The following MYT1L variants were observed in gnomAD, a reference collection of about 807,000 sequenced individuals.
MYT1L encodes myelin transcription factor 1 like, also known as myelin transcription factor 1-like protein.
A neutral mutation model predicts 126.7 loss-of-function variants in MYT1L; 12 were observed. That is an observed-to-expected ratio of 0.09 (90% CI 0.06 to 0.15). The LOEUF is 0.15. Among genes scored for constraint, MYT1L ranks in the 10% least tolerant of loss-of-function variants. MYT1L has a pLI of 1.00. For synonymous variants in MYT1L, 541 were observed against 604.2 expected (o/e 0.90, Z 1.53); for missense variants, 979 against 1,585.2 (o/e 0.62, Z 6.49).
chr2:1,854,640 G>GA (rs1405975991), intron 18 of MYT1L, among the ~76,000 whole-genome samples: 1 of 152,082 alleles, frequency 6.6e-6, no homozygotes, highest in African/African-American at 2.4e-5. Context: ...TACTGAGGAA[G>GA]AAAAAAATCA....
intron 4 of MYT1L, among the ~76,000 whole-genome samples, chr2:2,006,952 A>T (rs1352737416): frequency 6.6e-6 from 1 of 152,110 alleles, no homozygotes. Context: ...CATCTGACTT[A>T]TATTACGTAG....
Position 1,892,230 on chromosome 2 carries a change from G to C in MYT1L, c.2090C>G (p.Pro697Arg), listed in dbSNP as rs543937221. 1 of 1,550,090 alleles carries C rather than the reference G, an allele frequency of 6.5e-7. No individual in the cohort carries two copies. The highest frequency in any genetic ancestry group is 2.4e-5 in the East Asian group (1 of 40,876). ...PSSSSTSSYA[P>R]SSSSNLSCGG... ...GCAGCTCAGGTTGCTGCTGCTGCTGGGCGCGTAGCTGCTGGTGCTGCTGCT... is the reference window on the plus strand; with the variant it reads ...GCAGCTCAGGTTGCTGCTGCTGCTGCGCGCGTAGCTGCTGGTGCTGCTGCT... The change falls in exon 15 of 25, where the codon CCC (proline) becomes CGC (arginine). Residue 697 changes from proline (P) to arginine (R), a missense_variant. Around this residue, in one of 12 missense-constraint regions of MYT1L, gnomAD observed 57 missense variants for 60.3 expected, o/e 0.94. Coordinates refer to ENST00000647738, the MANE Select transcript of MYT1L (RefSeq NM_001303052.2).
At chr2:1,921,866 C>T (rs2053606479) in intron 10 of MYT1L, among the ~76,000 whole-genome samples, 1 of 152,122 alleles carries the variant, frequency 6.6e-6, no homozygotes, top group South Asian at 2.1e-4. Context: ...TGCCATTTCC[C>T]CAATCCAATT....
intron 3 of MYT1L, among the ~76,000 whole-genome samples, chr2:2,079,724 G>A (rs1036234033): frequency 1.5e-4 from 23 of 152,080 alleles, no homozygotes; most frequent in African/African-American, 3.9e-4. Flanking sequence ...AGAGAATGGC[G>A]TGAACCCGGG....
At chr2:1,899,947 G>A (rs1400548370) in intron 14 of MYT1L, among the ~76,000 whole-genome samples, 1 of 152,220 alleles carries the variant, frequency 6.6e-6, no homozygotes, top group Non-Finnish European at 1.5e-5. Context: ...GATTTTGTGA[G>A]TGGTTTGATC....
At chr2:1,899,373 T>A (rs1573374317) in intron 14 of MYT1L, among the ~76,000 whole-genome samples, 1 of 152,342 alleles carries the variant, frequency 6.6e-6, no homozygotes, top group Non-Finnish European at 1.5e-5. Context: ...TTGTCAATTG[T>A]GCTTTTCTGC....
chr2:1,903,182 T>A lies in MYT1L; in HGVS notation c.1930A>T (p.Thr644Ser). 6.2e-7 allele frequency: 1 copy of A among 1,613,848 alleles called. No homozygotes were observed. The highest frequency in any genetic ancestry group is 1.7e-5 in the Admixed American group (1 of 60,012). The change falls in exon 14 of 25, where the codon ACC becomes TCC. Residue 644 changes from threonine to serine, a missense_variant. Thr to Ser is a moderately conservative substitution (Grantham distance 58). Around this residue, in one of 12 missense-constraint regions of MYT1L, gnomAD observed 82 missense variants for 177.2 expected, o/e 0.46. Coordinates refer to ENST00000647738, the MANE Select transcript of MYT1L (RefSeq NM_001303052.2). ...TCGTAACTGTTGTATTCAAACGAGG[T>A]CTTGGAATATTTCTCGAGCTCCTTG... is the stretch of plus-strand genomic sequence containing the variant. ...LAKELEKYSKTSFEYNSYDNH... is the reference protein window; with the variant it reads ...LAKELEKYSKSSFEYNSYDNH...
intron 4 of MYT1L, among the ~76,000 whole-genome samples, chr2:2,038,951 G>A (rs763815708): frequency 2.6e-5 from 4 of 151,972 alleles, no homozygotes; most frequent in African/African-American, 7.3e-5. Context: ...GGCTCCTTTC[G>A]CCACAGCCCT....
intron 5 of MYT1L, among the ~76,000 whole-genome samples, chr2:1,984,505 A>ATTTTTTTTTT (rs35510686): frequency 8.8e-6 from 1 of 114,280 alleles, no homozygotes. Flanking sequence ...CCAAGAACTA[A>ATTTTTTTTTT]TTTTTTTTTT....
intron 14 of MYT1L, among the ~76,000 whole-genome samples, chr2:1,901,316 C>G (rs1223799647): frequency 6.6e-6 from 1 of 152,160 alleles, no homozygotes; most frequent in African/African-American, 2.4e-5. Context: ...AAGAATGGAT[C>G]AAATCCCGGT....
At chr2:2,190,311 G>T (rs2092508773) in intron 2 of MYT1L, among the ~76,000 whole-genome samples, 1 of 151,860 alleles carries the variant, frequency 6.6e-6, no homozygotes, top group Non-Finnish European at 1.5e-5. Context: ...ACAGAAATTA[G>T]CCAGGCAGTG....
chr2:2,180,042 T>C (rs147312498), intron 2 of MYT1L, among the ~76,000 whole-genome samples: 5 of 152,310 alleles, frequency 3.3e-5, no homozygotes, highest in Admixed American at 1.3e-4. Context: ...CAGCCAGTGA[T>C]TCCACTGTTT....
chr2:1,981,061 G>A (rs2060573772), intron 5 of MYT1L, among the ~76,000 whole-genome samples: 1 of 152,100 alleles, frequency 6.6e-6, no homozygotes, highest in Non-Finnish European at 1.5e-5. Flanking sequence ...CTCCAGAAAA[G>A]AACAGGGTAG....
At chr2:1,967,347 G>T (rs941388829) in intron 8 of MYT1L, among the ~76,000 whole-genome samples, 1 of 152,100 alleles carries the variant, frequency 6.6e-6, no homozygotes, top group Non-Finnish European at 1.5e-5. Flanking sequence ...GCGTCCCTGG[G>T]GCAGTACCCA....
At chr2:2,318,153 C>A (rs1343375697) in intron 1 of MYT1L, among the ~76,000 whole-genome samples, 3 of 152,182 alleles carry the variant, frequency 2.0e-5, no homozygotes, top group Non-Finnish European at 2.9e-5. Context: ...AAATGTAAAG[C>A]ATGAAATTTA....
intron 3 of MYT1L, among the ~76,000 whole-genome samples, chr2:2,100,423 T>C (rs1433102274): frequency 6.6e-6 from 1 of 152,190 alleles, no homozygotes; most frequent in African/African-American, 2.4e-5. Context: ...AGCCCTCCTT[T>C]TTTCCAGATT....
chr2:1,966,775 G>A (rs1339527925), intron 8 of MYT1L, among the ~76,000 whole-genome samples: 3 of 145,704 alleles, frequency 2.1e-5, no homozygotes, highest in Admixed American at 1.4e-4. Flanking sequence ...AATGTTAAGT[G>A]AAAAAAAAAA....
chr2:1,903,021 C>G, intron 14 of MYT1L, 59 bp downstream of exon 14: 1 of 1,482,254 alleles, frequency 6.7e-7, no homozygotes. Context: ...TTGATATACA[C>G]AACAACAACA....
chr2:1,886,470 T>C (rs1292147923), intron 18 of MYT1L, 69 bp downstream of exon 18: 3 of 1,176,336 alleles, frequency 2.6e-6, no homozygotes, highest in Non-Finnish European at 3.5e-6. Flanking sequence ...GCAAATGACA[T>C]ATCATTTTTT....
Sources: gnomAD v4.1 joint callset for allele counts (sites outside exome capture counted in the v4.1 genomes callset) on GRCh38, gnomAD v4.1.1 for gene constraint, gnomAD v4.1.1 regional missense constraint, MANE v1.5 for transcripts, NCBI Gene and HGNC (gene_info 2026-07-23, HGNC 2026-07-21) for gene names.